Variants in CFAP300 observed in about 807,000 individuals in gnomAD.
CFAP300 encodes the protein cilia and flagella associated protein 300, also known as cilia- and flagella-associated protein 300.
A neutral mutation model predicts 33.0 loss-of-function variants in CFAP300; 32 were observed. That is an observed-to-expected ratio of 0.97 (90% CI 0.73 to 1.30). CFAP300 has a LOEUF of 1.30. CFAP300 is among the 50% of genes most tolerant of loss of function. The pLI is 0.00. For synonymous variants in CFAP300, 102 were observed against 106.8 expected (o/e 0.95, Z 0.28); for missense variants, 356 against 318.1 (o/e 1.12, Z -0.90).
chr11:102,079,688 A>G (rs1942447122), intron 5 of CFAP300, among the ~76,000 whole-genome samples: 1 of 152,194 alleles, frequency 6.6e-6, no homozygotes. Flanking sequence ...TACACCTAAA[A>G]AAGTAGAGAA....
At chr11:102,062,581 T>C (rs775297257) in intron 3 of CFAP300, among the ~76,000 whole-genome samples, 16 of 152,234 alleles carry the variant, frequency 1.1e-4, no homozygotes, top group Non-Finnish European at 1.6e-4. Flanking sequence ...ATTGGAGATT[T>C]AGCTGACGAG....
intron 2 of CFAP300, among the ~76,000 whole-genome samples, chr11:102,051,202 C>T (rs10750625): frequency 0.54 from 81,808 of 151,944 alleles, 22,880 homozygotes; most frequent in East Asian, 0.75. Flanking sequence ...ATGCTGAATT[C>T]GAGGTACATA....
chr11:102,080,704 A>G (rs377563787), intron 5 of CFAP300, among the ~76,000 whole-genome samples: 4 of 152,262 alleles, frequency 2.6e-5, no homozygotes, highest in South Asian at 2.1e-4. Context: ...CCGGCCCACA[A>G]ATAGTTTTTA....
intron 4 of CFAP300, among the ~76,000 whole-genome samples, chr11:102,068,915 T>C (rs1942268953): frequency 6.6e-6 from 1 of 152,172 alleles, no homozygotes; most frequent in South Asian, 2.1e-4. Flanking sequence ...TTTCCCTCCT[T>C]TTGGATACTA....
chr11:102,074,982 T>A (rs1326363203), intron 4 of CFAP300, among the ~76,000 whole-genome samples: 2 of 151,922 alleles, frequency 1.3e-5, no homozygotes, highest in East Asian at 3.9e-4. Flanking sequence ...GCTGAGATTA[T>A]AGGCACAAAC....
intron 4 of CFAP300, among the ~76,000 whole-genome samples, chr11:102,069,718 G>A (rs576153549): frequency 6.6e-6 from 1 of 152,046 alleles, no homozygotes; most frequent in Non-Finnish European, 1.5e-5. Flanking sequence ...CAGGAGAATC[G>A]CTTGAACCCA....
intron 2 of CFAP300, among the ~76,000 whole-genome samples, chr11:102,056,202 T>C (rs995699877): frequency 6.6e-6 from 1 of 152,190 alleles, no homozygotes; most frequent in East Asian, 1.9e-4. Context: ...CTATGTTTTA[T>C]TCAACTGTTT....
chr11:102,082,762 G>T (rs1942492820), intron 6 of CFAP300, among the ~76,000 whole-genome samples: 1 of 152,152 alleles, frequency 6.6e-6, no homozygotes, highest in South Asian at 2.1e-4. Context: ...CTTTTGGGAG[G>T]CCGAGACAGG....
At position 102,051,798 on chromosome 11, in the gene CFAP300, C is replaced by T. The variant is rs148258992; in HGVS notation, c.192+3902C>T. On this transcript the variant is annotated intron_variant, in intron 2 of 6. Transcript: ENST00000434758. ...TCCCAGGCTCAAGCAATTCTCCTGC[C>T]TCAGCCTCCCAAAGTGCTGGGATTA... 1.9e-3 allele frequency among the ~76,000 whole-genome samples: 296 copies of T among 152,300 alleles called. 2 individuals carry two copies. Among genetic ancestry groups the T allele is most frequent in the African/African-American group, 6.9e-3 (287 of 41,562 alleles).
intron 4 of CFAP300, 44 bp downstream of exon 4, chr11:102,066,695 G>A: frequency 1.3e-6 from 2 of 1,547,018 alleles, no homozygotes; most frequent in East Asian, 2.4e-5. Context: ...TTTTATTTCA[G>A]GAAATGCAAA....
intron 3 of CFAP300, among the ~76,000 whole-genome samples, chr11:102,060,687 T>G (rs1341036432): frequency 6.6e-6 from 1 of 152,176 alleles, no homozygotes; most frequent in Non-Finnish European, 1.5e-5. Flanking sequence ...ATTGGTGATA[T>G]GGATTTATAC....
At chr11:102,060,004 C>CA (rs1469562309) in intron 3 of CFAP300, among the ~76,000 whole-genome samples, 1 of 152,014 alleles carries the variant, frequency 6.6e-6, no homozygotes, top group Non-Finnish European at 1.5e-5. Flanking sequence ...GACAGTGTCT[C>CA]ACTGTCACCC....
intron 6 of CFAP300, among the ~76,000 whole-genome samples, chr11:102,081,799 G>A (rs1942477652): frequency 1.3e-5 from 2 of 151,100 alleles, no homozygotes; most frequent in South Asian, 4.2e-4. Context: ...GCTGAGGCAG[G>A]AGAATTGCTT....
In CFAP300 at chr11:102,066,501, A is replaced by C. The variant is rs769985037; in HGVS notation, c.285A>C (p.Lys95Asn). 2 of 1,589,904 alleles carry C rather than the reference A, an allele frequency of 1.3e-6. No homozygotes were observed. Among genetic ancestry groups the C allele is most frequent in the South Asian group, 2.4e-5 (2 of 83,820 alleles). ...TTTTTTCAGGAACTGAAGTGAAAAA[A>C]ATTGAAGCTATAAATGTTCCTTGCA... ...QWIILGTEVK[K>N]IEAINVPCTQ... The change falls in exon 4 of 7, where the codon AAA (lysine) becomes AAC (asparagine). Residue 95 changes from lysine to asparagine, a missense_variant. By Grantham distance (94) the Lys-to-Asn change is moderately conservative. Coordinates refer to ENST00000434758, the MANE Select transcript of CFAP300 (RefSeq NM_032930.3).
chr11:102,060,964 G>C (rs1487808142), intron 3 of CFAP300, among the ~76,000 whole-genome samples: 1 of 152,124 alleles, frequency 6.6e-6, no homozygotes, highest in Non-Finnish European at 1.5e-5. Context: ...GAAATAATCA[G>C]AGCCATGTAT....
Position 102,047,464 on chromosome 11 carries a change from G to C in CFAP300, c.-7G>C, listed in dbSNP as rs897579291. 6.5e-7 allele frequency: 1 copy of C among 1,535,548 alleles called. No homozygotes were observed. Among genetic ancestry groups the C allele is most frequent in the Non-Finnish European group, 8.7e-7 (1 of 1,146,392 alleles). Reference sequence around the variant, plus strand: ...ACGGCCCAGGCATCCACCCAGCCGAGAGCACGATGGCTACTGGGGAGCTCG... The same window carrying C: ...ACGGCCCAGGCATCCACCCAGCCGACAGCACGATGGCTACTGGGGAGCTCG... On this transcript the variant is annotated 5_prime_UTR_variant, in exon 1 of 7. Transcript: ENST00000434758.
intron 2 of CFAP300, among the ~76,000 whole-genome samples, chr11:102,054,764 A>T (rs1942024969): frequency 6.8e-6 from 1 of 148,148 alleles, no homozygotes. Context: ...GACAGTTTAG[A>T]TTCCTCTCTG....
At chr11:102,072,923 T>A (rs1198616147) in intron 4 of CFAP300, among the ~76,000 whole-genome samples, 2 of 152,192 alleles carry the variant, frequency 1.3e-5, no homozygotes, top group Non-Finnish European at 2.9e-5. Flanking sequence ...TGTCTGTGTT[T>A]TCCTCAGTGG....
At position 102,066,798 on chromosome 11, in the gene CFAP300, G is replaced by A. The variant is rs1251687523; in HGVS notation, c.435+147G>A. 1.2e-5 allele frequency: 8 copies of A among 640,954 alleles called. No homozygotes were observed. The East Asian group carries it at 2.5e-4, about 20-fold the overall frequency. 39.7% of individuals were successfully genotyped at this position (640,954 alleles called of 1,614,324 possible). On this transcript the variant is annotated intron_variant, in intron 4 of 6. Transcript: ENST00000434758. ...AATGATCGGTAATAATCCTAACATT[G>A]GTAGATTTCTACTTAGATGGCACTT... is the stretch of plus-strand genomic sequence containing the variant.
Sources: allele counts gnomAD v4.1 joint callset (sites outside exome capture counted in the v4.1 genomes callset), GRCh38; gene constraint gnomAD v4.1.1; transcripts MANE v1.5; gene names NCBI Gene and HGNC (gene_info 2026-07-23, HGNC 2026-07-21).